RCBTB2: variants seen among roughly 807,000 people sequenced by gnomAD.
RCBTB2 encodes RCC1 and BTB domain-containing protein 2.
Under a neutral mutation model 65.4 loss-of-function variants are expected in RCBTB2, and 55 were observed. That is an observed-to-expected ratio of 0.84 (90% CI 0.68 to 1.05). RCBTB2 has a LOEUF of 1.05. RCBTB2 is among the 50% of genes least tolerant of loss of function. The pLI is 0.00. For synonymous variants in RCBTB2, 220 were observed against 255.2 expected, an observed-to-expected ratio of 0.86 and a Z score of 1.31; for missense variants, 599 against 680.1, an observed-to-expected ratio of 0.88 and a Z score of 1.33.
In RCBTB2 at chr13:48,524,308, T is replaced by A. The variant is rs550870390; in HGVS notation, c.-120+351A>T. On this transcript the variant is annotated intron_variant, in intron 2 of 14. Transcript: ENST00000344532. Reference sequence around the variant, plus strand: ...CACAATATACATACAGAAAGCCATATCCATGATGTGATAAAATGTATTCTA... The same window carrying A: ...CACAATATACATACAGAAAGCCATAACCATGATGTGATAAAATGTATTCTA... Among the ~76,000 whole-genome samples, 8 of 152,334 alleles carry A rather than the reference T, an allele frequency of 5.3e-5. No individual in the cohort carries two copies. The South Asian group carries it at 1.7e-3, about 32-fold the overall frequency.
Position 48,503,260 on chromosome 13 carries a change from G to A in RCBTB2, c.927-346C>T, listed in dbSNP as rs1238799772. ...AGTAGTGGTCCCCCCTACCAAAAAA[G>A]GGTGGTTTAAAATTTTTCCCCCTAA... On this transcript the variant is annotated intron_variant, in intron 10 of 14. Transcript: ENST00000344532. Among the ~76,000 whole-genome samples the A allele has an allele frequency of 2.0e-5, 3 of 152,100 alleles. No individual in the cohort carries two copies. In the East Asian group the frequency reaches 5.8e-4, roughly 29 times the overall value.
At chr13:48,526,136 G>GAGA (rs1951717357) in intron 1 of RCBTB2, among the ~76,000 whole-genome samples, 1 of 152,164 alleles carries the variant, frequency 6.6e-6, no homozygotes, top group Non-Finnish European at 1.5e-5. Flanking sequence ...CTCTTAAAAT[G>GAGA]AGAATGCTAT....
At chr13:48,524,918 C>T (rs1252360764) in intron 1 of RCBTB2, among the ~76,000 whole-genome samples, 161 bp from the exon 2 acceptor site, 2 of 152,018 alleles carry the variant, frequency 1.3e-5, no homozygotes, top group African/African-American at 4.8e-5. Context: ...CAGAGATGCT[C>T]TATTATAAAA....
chr13:48,500,146 T>C (rs1231831635), intron 12 of RCBTB2, among the ~76,000 whole-genome samples: 1 of 152,238 alleles, frequency 6.6e-6, no homozygotes. Flanking sequence ...GTTGAAGTCC[T>C]AATGGCCAAT....
At chr13:48,532,454 G>A (rs1438393185) in intron 1 of RCBTB2, 2 of 152,912 alleles carry the variant, frequency 1.3e-5, no homozygotes, top group Non-Finnish European at 2.9e-5. Flanking sequence ...AGATTTATGG[G>A]ACGGGAGCCT....
At chr13:48,503,000 G>C in intron 10 of RCBTB2, 86 bp from the exon 11 acceptor site, 1 of 1,340,406 alleles carries the variant, frequency 7.5e-7, no homozygotes, top group Non-Finnish European at 9.9e-7. Context: ...TAACTGATGT[G>C]GGACATCATA....
rs556281821 is a variant in RCBTB2, at chr13:48,517,805, C to G, written c.43-2064G>C. 1.6e-4 allele frequency among the ~76,000 whole-genome samples: 25 copies of G among 152,144 alleles called. 1 individual carries two copies. The highest frequency in any genetic ancestry group is 6.2e-4 in the South Asian group (3 of 4,816). Reference sequence around the variant, plus strand: ...CTGCAGTGGGTTGAATGGCTTCCCCCCAAAGTCCAAATCCACCTAGAACCT... The same window carrying G: ...CTGCAGTGGGTTGAATGGCTTCCCCGCAAAGTCCAAATCCACCTAGAACCT... On this transcript the variant is annotated intron_variant, in intron 4 of 14. Coordinates refer to ENST00000344532, the MANE Select transcript of RCBTB2 (RefSeq NM_001268.4).
chr13:48,500,207 A>G (rs1169283751), intron 12 of RCBTB2, among the ~76,000 whole-genome samples: 4 of 152,228 alleles, frequency 2.6e-5, no homozygotes, highest in Admixed American at 2.0e-4. Flanking sequence ...GAGGTAATCA[A>G]GTTATAAGAA....
intron 14 of RCBTB2, among the ~76,000 whole-genome samples, chr13:48,494,479 G>A (rs1023418865): frequency 6.6e-6 from 1 of 152,146 alleles, no homozygotes; most frequent in Admixed American, 6.6e-5. Flanking sequence ...TATTTAGTAG[G>A]TACCTACTCT....
In RCBTB2 at chr13:48,493,315, A is replaced by ACACACACACACT. The variant is rs759504798; in HGVS notation, c.1515+2875_1515+2876insAGTGTGTGTGTG. 8.7e-4 allele frequency among the ~76,000 whole-genome samples: 65 copies of ACACACACACACT among 75,080 alleles called. 1 individual carries two copies. The highest frequency in any genetic ancestry group is 3.7e-3 in the African/African-American group (61 of 16,700). 49.3% of individuals were successfully genotyped at this position (75,080 alleles called of 152,430 possible). ...CACACACACACACACACACACACAC[A>ACACACACACACT]CTCTCTCTCTCTCTCTCTCTCTCTC... On this transcript the variant is annotated intron_variant, in intron 14 of 14. Transcript: ENST00000344532.
intron 6 of RCBTB2, among the ~76,000 whole-genome samples, chr13:48,513,307 T>C (rs1299775197): frequency 6.6e-6 from 1 of 152,178 alleles, no homozygotes; most frequent in Non-Finnish European, 1.5e-5. Context: ...TAGCATAATA[T>C]ACAGAAAAGT....
At chr13:48,535,768 C>T (rs1358392828), upstream of RCBTB2, 4 of 456,576 alleles carry the variant, frequency 8.8e-6, no homozygotes, top group Admixed American at 9.4e-5. Context: ...CAGGTGGCCC[C>T]TGTCTCTTGG....
At chr13:48,504,428 G>GAGA in intron 10 of RCBTB2, 24 of 625,696 alleles carry the variant, frequency 3.8e-5, no homozygotes, top group Non-Finnish European at 4.8e-5. Flanking sequence ...GACCTTCAAT[G>GAGA]ACTTCATACA....
chr13:48,501,583 G>A (rs1950235230), intron 12 of RCBTB2, among the ~76,000 whole-genome samples, 159 bp downstream of exon 12: 1 of 152,116 alleles, frequency 6.6e-6, no homozygotes, highest in South Asian at 2.1e-4. Flanking sequence ...GTTATTTCTT[G>A]TTTCATGTAT....
At chr13:48,522,099 C>A in intron 3 of RCBTB2, 137 bp from the exon 4 acceptor site, 1 of 824,158 alleles carries the variant, frequency 1.2e-6, no homozygotes, top group Non-Finnish European at 1.9e-6. Flanking sequence ...AGGAATTAAG[C>A]TTTAGGCATG....
intron 10 of RCBTB2, among the ~76,000 whole-genome samples, chr13:48,505,809 CG>C (rs1411016659): frequency 1.3e-5 from 2 of 152,086 alleles, no homozygotes; most frequent in Non-Finnish European, 2.9e-5. Flanking sequence ...AATCCTCTCA[CG>C]GTTTGTGGTT....
At chr13:48,501,966 C>G (rs1950256779) in intron 11 of RCBTB2, 98 bp from the exon 12 acceptor site, 1 of 1,007,974 alleles carries the variant, frequency 9.9e-7, no homozygotes. Context: ...ATGAAAGTAC[C>G]AATTCCTCAA....
intron 13 of RCBTB2, among the ~76,000 whole-genome samples, chr13:48,499,142 A>ACACACACACACCCTCTCT (rs1366425462): frequency 7.6e-6 from 1 of 132,290 alleles, no homozygotes; most frequent in African/African-American, 2.9e-5. Flanking sequence ...ACACACACAC[A>ACACACACACACCCTCTCT]CTCTCTCTCT....
chr13:48,515,404 C>CT, intron 5 of RCBTB2, 49 bp from the exon 6 acceptor site: 1 of 1,555,600 alleles, frequency 6.4e-7, no homozygotes, highest in South Asian at 1.2e-5. Flanking sequence ...TCTAACAAAT[C>CT]TATAAATTAC....
Sources: allele counts gnomAD v4.1 joint callset (sites outside exome capture counted in the v4.1 genomes callset), GRCh38; gene constraint gnomAD v4.1.1; transcripts MANE v1.5; gene names NCBI Gene and HGNC (gene_info 2026-07-23, HGNC 2026-07-21).